The following C1QTNF1 variants were observed in gnomAD, a reference collection of about 807,000 sequenced individuals.
C1QTNF1 encodes C1q and TNF related 1, also known as complement C1q tumor necrosis factor-related protein 1.
Under a neutral mutation model 27.8 loss-of-function variants are expected in C1QTNF1, and 22 were observed. The observed-to-expected ratio is 0.79, with a 90% CI of 0.56 to 1.13. The LOEUF is 1.13. Among genes scored for constraint, C1QTNF1 ranks in the 50% most tolerant of loss-of-function variants. The pLI is 0.00. For missense variants in C1QTNF1, 373 were observed against 380.2 expected, an observed-to-expected ratio of 0.98 and a Z score of 0.16; for synonymous variants, 166 against 154.3, an observed-to-expected ratio of 1.08 and a Z score of -0.56.
intron 1 of C1QTNF1, among the ~76,000 whole-genome samples, chr17:79,043,146 C>A (rs1368775920): frequency 1.4e-5 from 2 of 146,014 alleles, no homozygotes; most frequent in Non-Finnish European, 3.0e-5. Flanking sequence ...TGTTGGATTG[C>A]ATGTGAGTGC....
In C1QTNF1 at chr17:79,039,388, G is replaced by A. The variant is rs188452958; in HGVS notation, c.-14-4567G>A. On this transcript the variant is annotated intron_variant, in intron 1 of 3. Coordinates refer to ENST00000579760, the MANE Select transcript of C1QTNF1 (RefSeq NM_030968.5). ...AGGGTTGGCTGGCGCGGTGGCAAAC[G>A]CCCGTAATCCCAGCACTTTGGGAGG... is the stretch of plus-strand genomic sequence containing the variant. Among the ~76,000 whole-genome samples the A allele has an allele frequency of 1.8e-3, 267 of 151,092 alleles. 2 individuals are homozygous for A. Among genetic ancestry groups the A allele is most frequent in the African/African-American group, 6.0e-3 (247 of 41,114 alleles).
intron 1 of C1QTNF1, among the ~76,000 whole-genome samples, chr17:79,039,807 A>G (rs567191194): frequency 0.023 from 3,520 of 151,612 alleles, 120 homozygotes; most frequent in African/African-American, 0.08. Flanking sequence ...GTATATATAT[A>G]TATATGTAAA....
At chr17:79,038,975 G>A (rs934865389) in intron 1 of C1QTNF1, among the ~76,000 whole-genome samples, 5 of 152,226 alleles carry the variant, frequency 3.3e-5, no homozygotes, top group Non-Finnish European at 1.5e-5. Flanking sequence ...AGCCACCACC[G>A]CCAAAGTGGC....
intron 1 of C1QTNF1, among the ~76,000 whole-genome samples, chr17:79,042,470 A>T (rs930271178): frequency 6.6e-6 from 1 of 152,194 alleles, no homozygotes; most frequent in Non-Finnish European, 1.5e-5. Context: ...GGCTTCCTGG[A>T]AGGATGACTG....
Position 79,046,798 on chromosome 17 carries a change from C to A in C1QTNF1, c.295+104C>A. The A allele has an allele frequency of 6.9e-7, 1 of 1,449,276 alleles. No homozygotes were observed. Among genetic ancestry groups the A allele is most frequent in the Non-Finnish European group, 9.4e-7 (1 of 1,060,440 alleles). The allele number at this position is 1,449,276 out of a possible 1,614,324, so 89.8% of individuals were successfully genotyped here. The stretch of plus-strand genomic sequence containing the variant: ...GTGGGGCTAGGCGAGAGCAGAATGG[C>A]TCCCTCGGGACAGGGAGCAGAGGCA... On this transcript the variant is annotated intron_variant, in intron 3 of 3. Transcript: ENST00000579760. The surrounding 1 kb of genome is among the most constrained non-coding windows in gnomAD (Gnocchi z 4.8).
At chr17:79,040,966 C>A (rs190448078) in intron 1 of C1QTNF1, among the ~76,000 whole-genome samples, 10 of 152,116 alleles carry the variant, frequency 6.6e-5, no homozygotes, top group African/African-American at 2.2e-4. Flanking sequence ...ATATCTGCTA[C>A]AGTCATGAAT....
chr17:79,035,237 C>A (rs2072236355), intron 1 of C1QTNF1, among the ~76,000 whole-genome samples: 1 of 152,140 alleles, frequency 6.6e-6, no homozygotes, highest in African/African-American at 2.4e-5. Flanking sequence ...AACAGGAGAG[C>A]TCTAAGCTTC....
upstream of C1QTNF1, chr17:79,024,069 T>A (rs920416021): frequency 7.2e-5 from 11 of 152,224 alleles, no homozygotes; most frequent in African/African-American, 2.4e-4. Context: ...AGGCGGCCGC[T>A]GGATTTCCCT....
intron 1 of C1QTNF1, chr17:79,025,586 C>T (rs530544756): frequency 2.0e-5 from 3 of 152,698 alleles, no homozygotes; most frequent in African/African-American, 4.8e-5. Flanking sequence ...ACAGGCTGCC[C>T]GGCCTCTGCT....
chr17:79,049,719 G>A lies in C1QTNF1; in HGVS notation c.*1631G>A, dbSNP rs1015960281. On this transcript the variant is annotated 3_prime_UTR_variant, in exon 4 of 4. Coordinates refer to ENST00000579760, the MANE Select transcript of C1QTNF1 (RefSeq NM_030968.5). This position sits in a 1 kb window ranked among gnomAD's most constrained non-coding sequence, Gnocchi z 4.4. The stretch of plus-strand genomic sequence containing the variant: ...CTGTGGGCGTGCCCGGAAGCAGAGC[G>A]CCACACTCGCTGCTTAAGCTCCCCC... 4 of 152,362 alleles carry A rather than the reference G, an allele frequency of 2.6e-5. No homozygotes were observed. The highest frequency in any genetic ancestry group is 2.0e-4 in the Admixed American group (3 of 15,310). The allele number at this position is 152,362 out of a possible 1,614,324, so 9.4% of individuals were successfully genotyped here. A position where few individuals can be genotyped will look rare whatever the true frequency, so the allele number is the denominator to read the frequency against.
At chr17:79,026,143 C>G (rs1308605494) in intron 1 of C1QTNF1, among the ~76,000 whole-genome samples, 2 of 151,930 alleles carry the variant, frequency 1.3e-5, no homozygotes, top group Admixed American at 1.3e-4. Flanking sequence ...TGTCTTTATC[C>G]CAAGTGCGTC....
At chr17:79,044,641 A>G (rs1174116106) in intron 2 of C1QTNF1, among the ~76,000 whole-genome samples, 1 of 152,024 alleles carries the variant, frequency 6.6e-6, no homozygotes, top group Non-Finnish European at 1.5e-5. Flanking sequence ...AAAGGTTGTG[A>G]AGGACTCTGG....
intron 3 of C1QTNF1, chr17:79,047,021 C>T (rs1254037154): frequency 3.1e-6 from 1 of 327,630 alleles, no homozygotes; most frequent in African/African-American, 2.1e-5. Context: ...CTTGGTCCCC[C>T]AGCCTGCTTT....
At position 79,046,590 on chromosome 17, in the gene C1QTNF1, A is replaced by T; in HGVS notation, c.191A>T (p.Gln64Leu). The change falls in exon 3 of 4, where the codon CAG becomes CTG. Residue 64 changes from glutamine (Q) to leucine (L), a missense_variant. Transcript: ENST00000579760. The surrounding 1 kb of genome is among the most constrained non-coding windows in gnomAD (Gnocchi z 4.8). Reference sequence around the variant, plus strand: ...CAACATGAAAAATACAGGCCCAGTCAGGACCAGGGGCTCCCTGCTTCCCGG... The same window carrying T: ...CAACATGAAAAATACAGGCCCAGTCTGGACCAGGGGCTCCCTGCTTCCCGG... ...EEQHEKYRPS[Q>L]DQGLPASRCL... is the part of the protein sequence containing the mutation. 6.2e-7 allele frequency: 1 copy of T among 1,614,222 alleles called. No individual in the cohort carries two copies. Among genetic ancestry groups the T allele is most frequent in the Admixed American group, 1.7e-5 (1 of 60,028 alleles).
intron 2 of C1QTNF1, among the ~76,000 whole-genome samples, chr17:79,045,417 C>T (rs940838859): frequency 2.0e-5 from 3 of 152,092 alleles, no homozygotes; most frequent in Non-Finnish European, 4.4e-5. Flanking sequence ...TTGAATTGGA[C>T]GGTGTTCTCG....
chr17:79,025,829 C>A, intron 1 of C1QTNF1: 1 of 349,890 alleles, frequency 2.9e-6, no homozygotes, highest in Non-Finnish European at 5.9e-6. Context: ...CTTAGAGCTG[C>A]AGAGCTGGAG....
rs2072598312 is a variant in C1QTNF1, at chr17:79,047,103, G to C, written c.295+409G>C. ...CTGCACAGCCCCGTGAAATCGAACT[G>C]GAAACACTTGCAGCCTAGATCCCCA... On this transcript the variant is annotated intron_variant, in intron 3 of 3. Coordinates refer to ENST00000579760, the MANE Select transcript of C1QTNF1 (RefSeq NM_030968.5). 1.6e-5 allele frequency: 4 copies of C among 245,442 alleles called. No individual in the cohort carries two copies. In the Admixed American group the frequency reaches 2.0e-4, roughly 12 times the overall value. The allele number at this position is 245,442 out of a possible 1,614,324, so 15.2% of individuals were successfully genotyped here.
intron 1 of C1QTNF1, among the ~76,000 whole-genome samples, chr17:79,037,023 C>T (rs114974473): frequency 6.6e-6 from 1 of 152,200 alleles, no homozygotes; most frequent in Non-Finnish European, 1.5e-5. Flanking sequence ...CCCAGAGCTT[C>T]AGAGGTCCGC....
upstream of C1QTNF1, chr17:79,023,132 C>G (rs2071820487): frequency 6.6e-6 from 1 of 152,200 alleles, no homozygotes; most frequent in Admixed American, 6.5e-5. Context: ...ACCAGCATCC[C>G]CATTTTCGCA....
Sources: allele counts gnomAD v4.1 joint callset (sites outside exome capture counted in the v4.1 genomes callset), GRCh38; gene constraint gnomAD v4.1.1; non-coding constraint Gnocchi (gnomAD v3.1); transcripts MANE v1.5; gene names NCBI Gene and HGNC (gene_info 2026-07-23, HGNC 2026-07-21).